PCDHA12: variants seen among roughly 807,000 people sequenced by gnomAD.
The protein encoded by PCDHA12 is protocadherin alpha 12, also known as protocadherin alpha-12.
In PCDHA12, 44 loss-of-function variants were observed where a neutral mutation model predicts 60.0. The ratio of observed to expected loss-of-function variants is 0.73; its 90% CI spans 0.58 to 0.94. The LOEUF (loss-of-function observed/expected upper bound fraction) is 0.94. Among genes scored for constraint, PCDHA12 ranks in the 40% least tolerant of loss-of-function variants. PCDHA12 has a pLI of 0.00. For missense variants in PCDHA12, 1,276 were observed against 1,239.7 expected (o/e 1.03, Z -0.44); for synonymous variants, 569 against 553.0 (o/e 1.03, Z -0.40).
chr5:140,990,369 C>T (rs2097390541), intron 3 of PCDHA12, among the ~76,000 whole-genome samples: 1 of 152,054 alleles, frequency 6.6e-6, no homozygotes, highest in South Asian at 2.1e-4. Flanking sequence ...TCTAATAAAG[C>T]AAATTTGTTG....
chr5:141,001,468 G>A (rs1375908420), intron 3 of PCDHA12, among the ~76,000 whole-genome samples: 1 of 152,226 alleles, frequency 6.6e-6, no homozygotes, highest in African/African-American at 2.4e-5. Context: ...GGACTAAGCA[G>A]CAGCGGGGAA....
At chr5:140,908,226 T>A (rs1488573035) in intron 1 of PCDHA12, among the ~76,000 whole-genome samples, 1 of 152,140 alleles carries the variant, frequency 6.6e-6, no homozygotes, top group Non-Finnish European at 1.5e-5. Flanking sequence ...GAACCAGTCC[T>A]TAGTCTTCTC....
intron 1 of PCDHA12, among the ~76,000 whole-genome samples, chr5:140,954,496 T>G (rs571286912): frequency 2.3e-4 from 35 of 152,256 alleles, no homozygotes; most frequent in Non-Finnish European, 2.8e-4. Context: ...CATTGTGGTT[T>G]TGATTTGCAT....
In PCDHA12 at chr5:140,929,533, A is replaced by G; in HGVS notation, c.2368-49416A>G. 8.5e-6 allele frequency: 5 copies of G among 588,644 alleles called. No individual in the cohort carries two copies. The East Asian group carries it at 1.3e-4, about 16-fold the overall frequency. The allele number at this position is 588,644 out of a possible 1,614,324, so 36.5% of individuals were successfully genotyped here. The stretch of plus-strand genomic sequence containing the variant: ...AAGGGACTTATAGTTTATTTTTGAG[A>G]AACAAGGGCAAAAATTAAAACCTAT... On this transcript the variant is annotated intron_variant, in intron 1 of 3. Coordinates refer to ENST00000398631, the MANE Select transcript of PCDHA12 (RefSeq NM_018903.4).
chr5:140,969,781 A>G (rs1017019880), intron 1 of PCDHA12, among the ~76,000 whole-genome samples: 3 of 152,336 alleles, frequency 2.0e-5, no homozygotes, highest in East Asian at 1.9e-4. Flanking sequence ...AGGGGCTATC[A>G]TAGTCACCAC....
At chr5:140,913,970 T>C (rs2076541614) in intron 1 of PCDHA12, among the ~76,000 whole-genome samples, 1 of 152,144 alleles carries the variant, frequency 6.6e-6, no homozygotes. Context: ...TAAAAAAATA[T>C]TTTAGGACTT....
intron 1 of PCDHA12, among the ~76,000 whole-genome samples, chr5:140,902,482 C>T (rs1554190466): frequency 1.3e-5 from 2 of 152,086 alleles, no homozygotes; most frequent in Non-Finnish European, 2.9e-5. Context: ...TTTGCCTGCT[C>T]AGTATGATAC....
In PCDHA12 at chr5:140,877,673, C is replaced by T. The variant is rs1187719075; in HGVS notation, c.2201C>T (p.Pro734Leu). The T allele has an allele frequency of 2.5e-5, 40 of 1,613,532 alleles. No individual in the cohort carries two copies. In the East Asian group the frequency reaches 8.0e-4, roughly 32 times the overall value. Reference sequence around the variant, plus strand: ...CCGCCCACCGTGAGCCGGTGCGCGCCGGGCAAGCCCACGCTGGTGTGCTCC... The same window carrying T: ...CCGCCCACCGTGAGCCGGTGCGCGCTGGGCAAGCCCACGCTGGTGTGCTCC... ...SAPPTVSRCA[P>L]GKPTLVCSSA... The change falls in exon 1 of 4, where the codon CCG becomes CTG. Residue 734 changes from proline to leucine, a missense_variant. By Grantham distance (98) the Pro-to-Leu change is moderately conservative. Transcript: ENST00000398631.
intron 1 of PCDHA12, among the ~76,000 whole-genome samples, chr5:140,921,231 T>C (rs1171159325): frequency 3.3e-5 from 5 of 152,122 alleles, no homozygotes; most frequent in African/African-American, 4.8e-5. Context: ...TGCTAGATGA[T>C]ATTAAGCCAC....
At chr5:140,946,249 C>T (rs930979647) in intron 1 of PCDHA12, among the ~76,000 whole-genome samples, 2 of 151,896 alleles carry the variant, frequency 1.3e-5, no homozygotes, top group Admixed American at 6.6e-5. Flanking sequence ...CATCATGAAT[C>T]ATCAGAAAAA....
intron 1 of PCDHA12, chr5:140,884,043 C>A (rs1196406346): frequency 6.2e-7 from 1 of 1,613,248 alleles, no homozygotes; most frequent in African/African-American, 1.3e-5. Flanking sequence ...CACGTGGTGG[C>A]GAAGGTGCGC....
chr5:140,937,599 A>T (rs2091614434), intron 1 of PCDHA12, among the ~76,000 whole-genome samples: 3 of 151,728 alleles, frequency 2.0e-5, no homozygotes, highest in African/African-American at 7.3e-5. Context: ...CCTGGGCAAC[A>T]GAGTGATACT....
chr5:140,887,124 T>G (rs1554182893), intron 1 of PCDHA12, among the ~76,000 whole-genome samples: 2 of 151,068 alleles, frequency 1.3e-5, no homozygotes, highest in Admixed American at 6.6e-5. Flanking sequence ...TGAGACGGAG[T>G]CTCACTCTGT....
intron 1 of PCDHA12, among the ~76,000 whole-genome samples, chr5:140,889,040 A>G (rs1313734637): frequency 4.6e-5 from 7 of 152,094 alleles, no homozygotes; most frequent in African/African-American, 1.4e-4. Context: ...TAATTTGATT[A>G]TAATTTATAA....
At chr5:140,982,054 G>T (rs565307071) in intron 2 of PCDHA12, among the ~76,000 whole-genome samples, 1 of 152,322 alleles carries the variant, frequency 6.6e-6, no homozygotes, top group East Asian at 1.9e-4. Context: ...AAATATTTTA[G>T]TGTGTTTTCT....
chr5:140,966,947 G>C (rs782439197), intron 1 of PCDHA12: 2 of 1,603,404 alleles, frequency 1.2e-6, no homozygotes, highest in East Asian at 2.2e-5. Flanking sequence ...CGTGGGCAAC[G>C]TGGCTCGCGC....
rs1002607780 is a variant in PCDHA12 at position 141,011,898 on chromosome 5, T to G, written c.*1961T>G. 1.8e-4 allele frequency: 27 copies of G among 148,586 alleles called. 1 individual carries two copies. Among genetic ancestry groups the G allele is most frequent in the Admixed American group, 1.5e-3 (23 of 15,026 alleles). The allele number at this position is 148,586 out of a possible 1,614,324, so 9.2% of individuals were successfully genotyped here. On this transcript the variant is annotated 3_prime_UTR_variant, in exon 4 of 4. Coordinates refer to ENST00000398631, the MANE Select transcript of PCDHA12 (RefSeq NM_018903.4). ...TAGAAGTTTGATTAATTATATTATC[T>G]ATTTAGGCATTAATATAAAAGAGGT...
At position 140,877,276 on chromosome 5, in the gene PCDHA12, G is replaced by C; in HGVS notation, c.1804G>C (p.Gly602Arg). The stretch of plus-strand genomic sequence containing the variant: ...AGTGCGCGCGGTGGACGCTGACTCC[G>C]GCTATAACGCTTGGCTGTCCTACGA... ...AKVRAVDADS[G>R]YNAWLSYELQ... Residue 602 changes from glycine to arginine, a missense_variant, in exon 1 of 4, where the codon GGC becomes CGC. Physicochemically the swap from Gly to Arg is moderately radical, Grantham distance 125. Transcript: ENST00000398631. 2 of 1,613,862 alleles carry C rather than the reference G, an allele frequency of 1.2e-6. No individual in the cohort carries two copies. The highest frequency in any genetic ancestry group is 1.7e-6 in the Non-Finnish European group (2 of 1,179,824).
At position 140,926,724 on chromosome 5, in the gene PCDHA12, G is replaced by C. The variant is rs376759295; in HGVS notation, c.2367+48885G>C. 1.5e-5 allele frequency: 15 copies of C among 1,034,056 alleles called. No homozygotes were observed. In the East Asian group the frequency reaches 2.4e-4, roughly 17 times the overall value. 64.1% of individuals were successfully genotyped at this position (1,034,056 alleles called of 1,614,324 possible). On this transcript the variant is annotated intron_variant, in intron 1 of 3. Transcript: ENST00000398631. ...CCAGCTGGCCAGCCCCGGCAATGCC[G>C]GCGTTCGGGAGGCGCAACGTCGGCG...
Sources: allele counts gnomAD v4.1 joint callset (sites outside exome capture counted in the v4.1 genomes callset), GRCh38; gene constraint gnomAD v4.1.1; transcripts MANE v1.5; gene names NCBI Gene and HGNC (gene_info 2026-07-23, HGNC 2026-07-21).